The following CSNK2A2 variants were observed in gnomAD, a reference collection of about 807,000 sequenced individuals.
The protein encoded by CSNK2A2 is casein kinase II subunit alpha'.
CSNK2A2 carries 8 observed loss-of-function variants against 54.0 expected under a neutral mutation model. The observed-to-expected ratio is 0.15, with a 90% confidence interval of 0.09 to 0.27. CSNK2A2 has a LOEUF of 0.27. CSNK2A2 is among the 10% of genes least tolerant of loss of function. The pLI is 1.00. For missense variants in CSNK2A2, 242 were observed against 439.4 expected (o/e 0.55, Z 4.02); for synonymous variants, 141 against 153.9 (o/e 0.92, Z 0.62).
chr16:58,197,777 G>T lies in CSNK2A2; in HGVS notation c.-41C>A. ...GGGGCGGCGCGGGGCGCAGAGGGTG[G>T]CGGCGGCGGCGCGGCGGGGGACGCG... On this transcript the variant is annotated 5_prime_UTR_variant, in exon 1 of 12. Coordinates refer to ENST00000262506, the MANE Select transcript of CSNK2A2 (RefSeq NM_001896.4). The surrounding 1 kb of genome is among the most constrained non-coding windows in gnomAD (Gnocchi z 4.0). 1.5e-6 allele frequency: 1 copy of T among 651,910 alleles called. No individual in the cohort carries two copies. 40.4% of individuals were successfully genotyped at this position (651,910 alleles called of 1,614,324 possible).
At chr16:58,189,793 T>A (rs1363859911) in intron 2 of CSNK2A2, among the ~76,000 whole-genome samples, 1 of 152,118 alleles carries the variant, frequency 6.6e-6, no homozygotes, top group African/African-American at 2.4e-5. Context: ...AGACCCACAG[T>A]CCAGGACACT....
At chr16:58,163,496 G>A (rs1346112870) in intron 11 of CSNK2A2, 1 of 151,168 alleles carries the variant, frequency 6.6e-6, no homozygotes, top group Non-Finnish European at 1.5e-5. Context: ...GAGGAAAACT[G>A]CGGGGATGAG....
At chr16:58,192,312 C>A (rs1022065933) in intron 2 of CSNK2A2, among the ~76,000 whole-genome samples, 3 of 152,068 alleles carry the variant, frequency 2.0e-5, no homozygotes, top group Non-Finnish European at 4.4e-5. Flanking sequence ...AAAATGGGCA[C>A]ACTATATCAA....
At chr16:58,164,740 G>A (rs1961513428) in intron 10 of CSNK2A2, among the ~76,000 whole-genome samples, 1 of 152,206 alleles carries the variant, frequency 6.6e-6, no homozygotes, top group African/African-American at 2.4e-5. Flanking sequence ...CTAGAAGGCT[G>A]AAGGCTTTTC....
rs116042360 is a variant in CSNK2A2 at position 58,177,019 on chromosome 16, C to A, written c.370-2509G>T. On this transcript the variant is annotated intron_variant, in intron 4 of 11. Transcript: ENST00000262506. ...TGGTGATAAAAGATCTCTGAACTCT[C>A]CCCACCACCCAAGTATGCCAAGGGC... is the stretch of plus-strand genomic sequence containing the variant. Among the ~76,000 whole-genome samples, 331 of 152,300 alleles carry A rather than the reference C, an allele frequency of 2.2e-3. 1 individual carries two copies. Among genetic ancestry groups the A allele is most frequent in the African/African-American group, 7.4e-3 (307 of 41,558 alleles).
intron 5 of CSNK2A2, among the ~76,000 whole-genome samples, chr16:58,170,879 A>G (rs993973640): frequency 3.9e-5 from 6 of 152,104 alleles, no homozygotes; most frequent in Non-Finnish European, 7.4e-5. Context: ...GCCTAACATA[A>G]TAACTATCTT....
chr16:58,195,939 C>T (rs1004285527), intron 2 of CSNK2A2, among the ~76,000 whole-genome samples: 1 of 152,224 alleles, frequency 6.6e-6, no homozygotes, highest in Non-Finnish European at 1.5e-5. Context: ...TGTATCCATA[C>T]CACCTGAAAC....
intron 2 of CSNK2A2, among the ~76,000 whole-genome samples, chr16:58,195,342 T>C (rs1962411938): frequency 6.6e-6 from 1 of 152,224 alleles, no homozygotes; most frequent in African/African-American, 2.4e-5. Flanking sequence ...ATTCTGCTCC[T>C]TTATCACTAG....
chr16:58,163,112 C>T (rs374060317), intron 11 of CSNK2A2: 1 of 151,988 alleles, frequency 6.6e-6, no homozygotes, highest in Admixed American at 6.5e-5. Flanking sequence ...ATGTTTTCCT[C>T]CCTCGCCTTG....
At position 58,167,751 on chromosome 16, in the gene CSNK2A2, A is replaced by C. The variant is rs1252155173; in HGVS notation, c.558T>G (p.Ala186=). The change falls in exon 7 of 12, where the codon GCT becomes GCG. Residue 186 remains alanine (A), a synonymous_variant. Transcript: ENST00000262506. The stretch of plus-strand genomic sequence containing the variant: ...AGGCTACACGAACATTGTACTCCTG[A>C]GCAGGATGATAGAATTCTGCCAGAC... The part of the protein sequence containing the change: ...DWGLAEFYHP[A]QEYNVRVASR... The C allele has an allele frequency of 6.2e-7, 1 of 1,614,160 alleles. No individual in the cohort carries two copies. Among genetic ancestry groups the C allele is most frequent in the Non-Finnish European group, 8.5e-7 (1 of 1,180,002 alleles).
intron 2 of CSNK2A2, among the ~76,000 whole-genome samples, chr16:58,192,089 T>C (rs1203501758): frequency 6.6e-6 from 1 of 152,200 alleles, no homozygotes; most frequent in African/African-American, 2.4e-5. Flanking sequence ...TTTATCTGAC[T>C]TTCCTAACAA....
At chr16:58,193,181 T>C (rs1365861735) in intron 2 of CSNK2A2, among the ~76,000 whole-genome samples, 1 of 152,186 alleles carries the variant, frequency 6.6e-6, no homozygotes, top group Non-Finnish European at 1.5e-5. Context: ...TGCCTAAATT[T>C]AGGAGGGTAA....
chr16:58,184,128 A>G (rs1459310950), intron 4 of CSNK2A2, 132 bp downstream of exon 4: 1 of 663,720 alleles, frequency 1.5e-6, no homozygotes, highest in East Asian at 2.8e-5. Context: ...CTCATGCCTT[A>G]AGGAACCCAA....
intron 5 of CSNK2A2, among the ~76,000 whole-genome samples, chr16:58,172,867 A>G (rs1403367564): frequency 2.6e-5 from 4 of 152,244 alleles, no homozygotes; most frequent in Non-Finnish European, 5.9e-5. Flanking sequence ...GAAAGCAGAA[A>G]GGACATCAGA....
intron 3 of CSNK2A2, 62 bp downstream of exon 3, chr16:58,186,693 A>C: frequency 8.4e-7 from 1 of 1,191,036 alleles, no homozygotes; most frequent in Non-Finnish European, 1.2e-6. Context: ...TCTGTGTGTT[A>C]AACAACTCCC....
chr16:58,179,195 AT>A (rs1228348113), intron 4 of CSNK2A2, among the ~76,000 whole-genome samples: 1 of 152,152 alleles, frequency 6.6e-6, no homozygotes, highest in African/African-American at 2.4e-5. Flanking sequence ...CAGCAAAAAG[AT>A]AAAATAGAAA....
chr16:58,165,308 A>G (rs1400156741), intron 10 of CSNK2A2, among the ~76,000 whole-genome samples: 1 of 152,232 alleles, frequency 6.6e-6, no homozygotes, highest in East Asian at 1.9e-4. Flanking sequence ...CGATCTATTA[A>G]CTCAGGGTAA....
rs111299682 is a variant in CSNK2A2, at chr16:58,196,699, G to A, written c.216+34C>T. The A allele has an allele frequency of 3.4e-4, 479 of 1,424,352 alleles. 3 individuals carry two copies. The African/African-American group carries it at 6.2e-3, about 18-fold the overall frequency. 88.2% of individuals were successfully genotyped at this position (1,424,352 alleles called of 1,614,324 possible). A position where few individuals can be genotyped will look rare whatever the true frequency, so the allele number is the denominator to read the frequency against. On this transcript the variant is annotated intron_variant, in intron 2 of 11. Transcript: ENST00000262506. ...CTTACAAACTTTTGCCCTGTGGGGA[G>A]GAAAATGTTACATACCACTCATAGG...
intron 4 of CSNK2A2, among the ~76,000 whole-genome samples, chr16:58,178,712 G>A (rs1017290996): frequency 6.6e-6 from 1 of 152,198 alleles, no homozygotes; most frequent in Middle Eastern, 3.4e-3. Flanking sequence ...TGGCATATAT[G>A]AAGCATAAAA....
Sources: allele counts gnomAD v4.1 joint callset (sites outside exome capture counted in the v4.1 genomes callset), GRCh38; gene constraint gnomAD v4.1.1; non-coding constraint Gnocchi (gnomAD v3.1); transcripts MANE v1.5; gene names NCBI Gene and HGNC (gene_info 2026-07-23, HGNC 2026-07-21).